Variants in FRMD6 observed in about 807,000 individuals in gnomAD.
The protein encoded by FRMD6 is FERM domain-containing protein 6.
In FRMD6, 37 loss-of-function variants were observed where a neutral mutation model predicts 73.2. That is an observed-to-expected ratio of 0.51 (90% CI 0.39 to 0.66). The LOEUF is 0.66. Ranked by LOEUF, FRMD6 falls within the 30% of genes least tolerant of loss-of-function variation. The pLI, the probability that FRMD6 is intolerant of heterozygous loss-of-function variation, is 0.00. For missense variants in FRMD6, 714 were observed against 780.5 expected (o/e 0.91, Z 1.02); for synonymous variants, 273 against 282.2 (o/e 0.97, Z 0.33).
At chr14:51,614,346 G>A (rs754036553) in intron 2 of FRMD6, among the ~76,000 whole-genome samples, 6 of 152,036 alleles carry the variant, frequency 3.9e-5, no homozygotes, top group African/African-American at 9.7e-5. Context: ...TCAATCTTAC[G>A]AAACAAAGAT....
rs975430895 is a variant in FRMD6, at chr14:51,729,172, A to T, written c.*1143A>T. On this transcript the variant is annotated 3_prime_UTR_variant, in exon 14 of 14. Transcript: ENST00000344768. ...AGAATTTTGGGGGGAGCTTTTAAAA[A>T]ATAATGACTGAGTCTCCCACCAGAC... 9 of 152,230 alleles carry T rather than the reference A, an allele frequency of 5.9e-5. No homozygotes were observed. Among genetic ancestry groups the T allele is most frequent in the African/African-American group, 2.2e-4 (9 of 41,464 alleles). 9.4% of individuals were successfully genotyped at this position (152,230 alleles called of 1,614,324 possible).
At chr14:51,408,017 T>C in the FRMD6 span, among the ~76,000 whole-genome samples, 1 of 152,220 alleles carries the variant, frequency 6.6e-6, no homozygotes, top group Non-Finnish European at 1.5e-5. Context: ...TAATGCTTTC[T>C]TTTCAATCTT....
At chr14:51,479,153 G>C in the FRMD6 span, among the ~76,000 whole-genome samples, 1 of 152,146 alleles carries the variant, frequency 6.6e-6, no homozygotes, top group African/African-American at 2.4e-5. Flanking sequence ...TTTCAAGTGA[G>C]TGAGAAGATG....
At chr14:51,677,890 T>G (rs1894506860) in intron 1 of FRMD6, among the ~76,000 whole-genome samples, 1 of 152,082 alleles carries the variant, frequency 6.6e-6, no homozygotes, top group African/African-American at 2.4e-5. Flanking sequence ...TCTGGTTGAT[T>G]TGGCCACTCT....
At chr14:51,645,803 C>A (rs1004429365) in intron 2 of FRMD6, among the ~76,000 whole-genome samples, 2 of 152,018 alleles carry the variant, frequency 1.3e-5, no homozygotes, top group African/African-American at 2.4e-5. Flanking sequence ...CAATCAAAAA[C>A]AAGTTCAAAG....
intron 2 of FRMD6, among the ~76,000 whole-genome samples, chr14:51,613,727 C>T (rs1376406485): frequency 6.6e-6 from 1 of 151,938 alleles, no homozygotes; most frequent in Admixed American, 6.6e-5. Flanking sequence ...TCCCTCTTTG[C>T]TCTAAGAAAA....
the FRMD6 span, among the ~76,000 whole-genome samples, chr14:51,434,532 T>TAATGGATTAGACTC: frequency 6.6e-6 from 1 of 152,142 alleles, no homozygotes; most frequent in Non-Finnish European, 1.5e-5. Flanking sequence ...AAAATTGTAA[T>TAATGGATTAGACTC]AAGTATCTAT....
intron 1 of FRMD6, among the ~76,000 whole-genome samples, chr14:51,675,020 A>C (rs922282316): frequency 6.6e-6 from 1 of 152,274 alleles, no homozygotes; most frequent in Non-Finnish European, 1.5e-5. Context: ...TCAAAACTCT[A>C]GTTGAGAAGA....
At chr14:51,509,484 G>A (rs923177522) in intron 1 of FRMD6, among the ~76,000 whole-genome samples, 1 of 151,866 alleles carries the variant, frequency 6.6e-6, no homozygotes, top group Non-Finnish European at 1.5e-5. Flanking sequence ...CGGAGATTGC[G>A]CCACTACACT....
intron 2 of FRMD6, among the ~76,000 whole-genome samples, chr14:51,583,094 A>G (rs1018310163): frequency 1.3e-5 from 2 of 152,216 alleles, no homozygotes; most frequent in African/African-American, 4.8e-5. Context: ...CAGTAAATCC[A>G]TTAGAAATTC....
At chr14:51,574,098 C>T (rs548875136) in intron 2 of FRMD6, among the ~76,000 whole-genome samples, 1 of 152,220 alleles carries the variant, frequency 6.6e-6, no homozygotes, top group East Asian at 1.9e-4. Flanking sequence ...GTGCTAAAGC[C>T]ACCTTTGATT....
At chr14:51,461,127 T>C in the FRMD6 span, among the ~76,000 whole-genome samples, 4 of 152,244 alleles carry the variant, frequency 2.6e-5, no homozygotes, top group African/African-American at 9.6e-5. Context: ...AAGAGCTGTG[T>C]ATATCTTTCC....
chr14:51,576,655 G>GT (rs1474487187), intron 2 of FRMD6, among the ~76,000 whole-genome samples: 3 of 152,066 alleles, frequency 2.0e-5, no homozygotes, highest in Non-Finnish European at 4.4e-5. Flanking sequence ...CCCTCAGCAT[G>GT]TTATCCCTTG....
chr14:51,699,939 C>CT (rs59719776), intron 3 of FRMD6, among the ~76,000 whole-genome samples: 42,066 of 151,522 alleles, frequency 0.28, 6,138 homozygotes, highest in African/African-American at 0.36. Flanking sequence ...AGTAGCATTC[C>CT]TTTTTTTGTC....
rs979709407 is a variant in FRMD6 at position 51,544,350 on chromosome 14, T to C, written c.-209-25998T>C. 3.3e-5 allele frequency among the ~76,000 whole-genome samples: 5 copies of C among 152,180 alleles called. No homozygotes were observed. The East Asian group carries it at 9.6e-4, about 29-fold the overall frequency. ...TTTCCTTAATACCTTTGGTAAGGGA[T>C]GCAGGAGTGATTGAGTTTCTTAAAA... On this transcript the variant is annotated intron_variant, in intron 1 of 14. Coordinates refer to the FRMD6 transcript ENST00000356218.
At chr14:51,453,581 T>A in the FRMD6 span, among the ~76,000 whole-genome samples, 1 of 152,236 alleles carries the variant, frequency 6.6e-6, no homozygotes, top group African/African-American at 2.4e-5. Context: ...AGTGACTGAC[T>A]GCATGCTATT....
At position 51,727,812 on chromosome 14, in the gene FRMD6, A is replaced by G. The variant is rs1224783934; in HGVS notation, c.1652A>G (p.Tyr551Cys). 1 of 1,613,946 alleles carries G rather than the reference A, an allele frequency of 6.2e-7. No individual in the cohort carries two copies. Among genetic ancestry groups the G allele is most frequent in the African/African-American group, 1.3e-5 (1 of 74,934 alleles). The change falls in exon 14 of 14, where the codon TAC becomes TGC. Residue 551 changes from tyrosine (Y) to cysteine (C), a missense_variant. Tyr to Cys is a radical substitution (Grantham distance 194, BLOSUM62 -2). Transcript: ENST00000344768. The stretch of plus-strand genomic sequence containing the variant: ...TTGAGCCTCGATGACATCAGACTTT[A>G]CCAGAAAGACTTCCTGCGCATTGCA... The part of the protein sequence containing the change: ...HSLSLDDIRL[Y>C]QKDFLRIAGL...
chr14:51,503,970 G>A (rs1226672743), intron 1 of FRMD6, among the ~76,000 whole-genome samples: 1 of 152,068 alleles, frequency 6.6e-6, no homozygotes, highest in African/African-American at 2.4e-5. Flanking sequence ...GAGGGTGTAT[G>A]TGTCCAGGAA....
At chr14:51,702,663 C>G in intron 5 of FRMD6, 75 bp downstream of exon 5, 2 of 1,150,446 alleles carry the variant, frequency 1.7e-6, no homozygotes, top group Non-Finnish European at 2.6e-6. Flanking sequence ...AAATAAGTTA[C>G]GTGTGTTTAT....
Sources: allele counts gnomAD v4.1 joint callset (sites outside exome capture counted in the v4.1 genomes callset), GRCh38; gene constraint gnomAD v4.1.1; transcripts MANE v1.5; gene names NCBI Gene and HGNC (gene_info 2026-07-23, HGNC 2026-07-21).